Variants in EXOC6B observed in about 807,000 individuals in gnomAD.
EXOC6B encodes the protein exocyst complex component 6B, also known as SEC15 homolog B.
In EXOC6B, 54 loss-of-function variants were observed where a neutral mutation model predicts 113.5. That is an observed-to-expected ratio of 0.48 (90% CI 0.38 to 0.60). EXOC6B has a LOEUF of 0.60. Ranked by LOEUF, EXOC6B falls within the 20% of genes least tolerant of loss-of-function variation. The probability of loss-of-function intolerance (pLI) is 0.00; values close to 1 mark genes in which losing one functional copy is unlikely to be tolerated. For synonymous variants in EXOC6B, 357 were observed against 339.0 expected (o/e 1.05, Z -0.58); for missense variants, 797 against 977.5 (o/e 0.82, Z 2.46).
intron 6 of EXOC6B, among the ~76,000 whole-genome samples, chr2:72,661,321 C>A (rs1358919013): frequency 6.7e-6 from 1 of 148,800 alleles, no homozygotes; most frequent in Non-Finnish European, 1.5e-5. Flanking sequence ...CTAAATTGTC[C>A]GTACTCACAG....
At chr2:72,213,318 G>A (rs1680312796) in intron 20 of EXOC6B, among the ~76,000 whole-genome samples, 1 of 152,194 alleles carries the variant, frequency 6.6e-6, no homozygotes. Context: ...CTGACCCACA[G>A]AATAATGAAC....
At chr2:72,602,301 T>C (rs1245554408) in intron 6 of EXOC6B, among the ~76,000 whole-genome samples, 2 of 152,240 alleles carry the variant, frequency 1.3e-5, no homozygotes, top group African/African-American at 4.8e-5. Flanking sequence ...TATTACTGTT[T>C]CCATGAATGA....
At chr2:72,592,653 A>G (rs1240095890) in intron 6 of EXOC6B, among the ~76,000 whole-genome samples, 1 of 152,184 alleles carries the variant, frequency 6.6e-6, no homozygotes, top group Non-Finnish European at 1.5e-5. Context: ...GTGCTGTGAT[A>G]TAATAAGAAA....
chr2:72,312,769 A>G (rs951795150), intron 20 of EXOC6B, among the ~76,000 whole-genome samples: 2 of 149,878 alleles, frequency 1.3e-5, no homozygotes, highest in Non-Finnish European at 2.9e-5. Flanking sequence ...AAACAACAAC[A>G]ACAACAACAA....
At chr2:72,552,776 A>T (rs1315601299) in intron 8 of EXOC6B, among the ~76,000 whole-genome samples, 1 of 152,010 alleles carries the variant, frequency 6.6e-6, no homozygotes, top group Non-Finnish European at 1.5e-5. Flanking sequence ...AAACTAAAGA[A>T]TAAATATATT....
intron 1 of EXOC6B, among the ~76,000 whole-genome samples, chr2:72,812,950 T>C (rs1686005004): frequency 6.6e-6 from 1 of 151,790 alleles, no homozygotes; most frequent in African/African-American, 2.4e-5. Context: ...TTTAAGAGGG[T>C]AAAAAAACAA....
At chr2:72,663,599 A>G (rs185349179) in intron 6 of EXOC6B, among the ~76,000 whole-genome samples, 4 of 152,198 alleles carry the variant, frequency 2.6e-5, no homozygotes. Flanking sequence ...CTGTGCTTAC[A>G]AAGAAATTTA....
chr2:72,537,354 A>C (rs1373624483), intron 8 of EXOC6B, among the ~76,000 whole-genome samples: 1 of 151,962 alleles, frequency 6.6e-6, no homozygotes. Flanking sequence ...CTGTAATCCC[A>C]GCACTGGGAG....
chr2:72,817,161 A>C (rs541264182), intron 1 of EXOC6B, among the ~76,000 whole-genome samples: 1 of 152,322 alleles, frequency 6.6e-6, no homozygotes, highest in African/African-American at 2.4e-5. Context: ...TTATTTATAT[A>C]ACATGCACTC....
intron 2 of EXOC6B, among the ~76,000 whole-genome samples, chr2:72,737,265 A>C (rs1465551172): frequency 6.6e-6 from 1 of 151,874 alleles, no homozygotes; most frequent in African/African-American, 2.4e-5. Context: ...AATCGCTTGA[A>C]CCCAGGAGGC....
At chr2:72,298,903 G>C (rs1168403684) in intron 20 of EXOC6B, among the ~76,000 whole-genome samples, 1 of 152,080 alleles carries the variant, frequency 6.6e-6, no homozygotes. Flanking sequence ...TGTTCTCTCT[G>C]GCTGTCCTTA....
At chr2:72,261,408 T>C (rs1484981879) in intron 20 of EXOC6B, among the ~76,000 whole-genome samples, 1 of 152,206 alleles carries the variant, frequency 6.6e-6, no homozygotes, top group Non-Finnish European at 1.5e-5. Context: ...TCTTTTAGAA[T>C]CATAGAGTTG....
intron 6 of EXOC6B, among the ~76,000 whole-genome samples, chr2:72,612,504 A>G (rs1671138114): frequency 6.6e-6 from 1 of 152,124 alleles, no homozygotes; most frequent in African/African-American, 2.4e-5. Flanking sequence ...AAAAAAAAAA[A>G]TCACATTTTG....
chr2:72,500,526 C>A (rs1201825910), intron 11 of EXOC6B, among the ~76,000 whole-genome samples: 1 of 151,098 alleles, frequency 6.6e-6, no homozygotes, highest in African/African-American at 2.4e-5. Context: ...AAACCAAAGA[C>A]CAAGTTAAAA....
At chr2:72,421,161 C>A (rs1694845487) in intron 18 of EXOC6B, among the ~76,000 whole-genome samples, 5 of 152,144 alleles carry the variant, frequency 3.3e-5, no homozygotes, top group African/African-American at 1.2e-4. Context: ...GGATAGATTG[C>A]AAAAACTTTC....
At chr2:72,668,659 T>C (rs1573588874) in intron 6 of EXOC6B, among the ~76,000 whole-genome samples, 1 of 152,044 alleles carries the variant, frequency 6.6e-6, no homozygotes, top group South Asian at 2.1e-4. Flanking sequence ...AGTAAACTAA[T>C]GCAAAAACAG....
chr2:72,390,175 T>C (rs996711235), intron 18 of EXOC6B, among the ~76,000 whole-genome samples: 6 of 152,214 alleles, frequency 3.9e-5, no homozygotes, highest in Non-Finnish European at 8.8e-5. Flanking sequence ...TTCTCCAATC[T>C]TATTTTCTAT....
chr2:72,374,911 C>T (rs895981981), intron 19 of EXOC6B, among the ~76,000 whole-genome samples: 1 of 150,844 alleles, frequency 6.6e-6, no homozygotes, highest in African/African-American at 2.4e-5. Flanking sequence ...AAAAGCAAAA[C>T]CTGACTATAA....
Position 72,232,010 on chromosome 2 carries a change from T to A in EXOC6B, c.2197-47823A>T, listed in dbSNP as rs1241043487. ...ATTTTTTTTTGAGACAGTCTGGCTC[T>A]GTCACCCAGGTTGGAGTGCAGTGGC... On this transcript the variant is annotated intron_variant, in intron 20 of 21. Coordinates refer to ENST00000272427, the MANE Select transcript of EXOC6B (RefSeq NM_015189.3). 3.3e-5 allele frequency among the ~76,000 whole-genome samples: 5 copies of A among 152,286 alleles called. 1 individual carries two copies. In the South Asian group the frequency reaches 8.3e-4, roughly 25 times the overall value.
Sources: allele counts gnomAD v4.1 joint callset (sites outside exome capture counted in the v4.1 genomes callset), GRCh38; gene constraint gnomAD v4.1.1; transcripts MANE v1.5; gene names NCBI Gene and HGNC (gene_info 2026-07-23, HGNC 2026-07-21).